The following SLC27A6 variants were observed in gnomAD, a reference collection of about 807,000 sequenced individuals.
SLC27A6 encodes solute carrier family 27 member 6.
Under a neutral mutation model 63.9 loss-of-function variants are expected in SLC27A6, and 74 were observed. That is an observed-to-expected ratio of 1.16 (90% CI 0.96 to 1.40). The LOEUF (loss-of-function observed/expected upper bound fraction) is 1.40. Ranked by LOEUF, SLC27A6 falls within the 40% of genes most tolerant of loss-of-function variation. SLC27A6 has a pLI of 0.00. For missense variants in SLC27A6, 794 were observed against 732.9 expected, an observed-to-expected ratio of 1.08 and a Z score of -0.96; for synonymous variants, 287 against 260.8, an observed-to-expected ratio of 1.10 and a Z score of -0.97.
At chr5:129,029,123 G>T (rs986597514) in intron 8 of SLC27A6, among the ~76,000 whole-genome samples, 3 of 152,012 alleles carry the variant, frequency 2.0e-5, no homozygotes, top group Admixed American at 6.6e-5. Context: ...CAGGTGGCAT[G>T]ATAAGCATTA....
chr5:128,993,679 ATT>A (rs1309492391), intron 4 of SLC27A6, among the ~76,000 whole-genome samples: 1 of 152,084 alleles, frequency 6.6e-6, no homozygotes, highest in Non-Finnish European at 1.5e-5. Context: ...TTTTCTTTAA[ATT>A]TTTTAAAGAA....
intron 4 of SLC27A6, among the ~76,000 whole-genome samples, chr5:129,013,650 T>C (rs1751799842): frequency 6.6e-6 from 1 of 152,150 alleles, no homozygotes; most frequent in South Asian, 2.1e-4. Context: ...ATTTCCCTGC[T>C]ATTTAACCTG....
Position 128,966,349 on chromosome 5 carries a change from C to G in SLC27A6, c.212C>G (p.Pro71Arg). The part of the protein sequence containing the change: ...LSHAKRQPRK[P>R]FIIYEGDIYT... ...CATGCCAAAAGACAACCTCGGAAAC[C>G]TTTCATCATCTATGAGGGAGACATC... Residue 71 changes from proline to arginine, a missense_variant, in exon 1 of 10, where the codon CCT (proline) becomes CGT (arginine). Pro to Arg is a moderately radical substitution (Grantham distance 103, BLOSUM62 -2). Coordinates refer to ENST00000262462, the MANE Select transcript of SLC27A6 (RefSeq NM_001017372.3). 6.2e-7 allele frequency: 1 copy of G among 1,610,960 alleles called. No homozygotes were observed. Among genetic ancestry groups the G allele is most frequent in the South Asian group, 1.1e-5 (1 of 90,748 alleles).
rs186602051 is a variant in SLC27A6, at chr5:128,965,665, T to G, written c.-473T>G. The stretch of plus-strand genomic sequence containing the variant: ...AAGACTACCTGAGAGGAGAAAAGCT[T>G]CTGTCCCTGGACCTTCTTCTGAGGG... On this transcript the variant is annotated 5_prime_UTR_variant, in exon 1 of 10. Transcript: ENST00000262462. 138 of 155,130 alleles carry G rather than the reference T, an allele frequency of 8.9e-4. 2 individuals carry two copies. Among genetic ancestry groups the G allele is most frequent in the Admixed American group, 3.5e-3 (54 of 15,368 alleles). 9.6% of individuals were successfully genotyped at this position (155,130 alleles called of 1,614,324 possible). A position where few individuals can be genotyped will look rare whatever the true frequency, so the allele number is the denominator to read the frequency against.
intron 5 of SLC27A6, among the ~76,000 whole-genome samples, chr5:129,016,683 T>C (rs777209932): frequency 2.0e-5 from 3 of 152,114 alleles, no homozygotes; most frequent in Non-Finnish European, 4.4e-5. Context: ...CTGATATATA[T>C]TGACTCTTTC....
At chr5:129,002,122 G>A (rs1751357047) in intron 4 of SLC27A6, among the ~76,000 whole-genome samples, 1 of 152,168 alleles carries the variant, frequency 6.6e-6, no homozygotes, top group Non-Finnish European at 1.5e-5. Context: ...ACCTTGGGAT[G>A]TCTGTATTAA....
At chr5:128,991,733 C>A (rs1180738064) in intron 4 of SLC27A6, among the ~76,000 whole-genome samples, 2 of 149,294 alleles carry the variant, frequency 1.3e-5, no homozygotes, top group South Asian at 4.2e-4. Flanking sequence ...AAAAAAAAAA[C>A]CCACATTGCT....
Position 128,965,860 on chromosome 5 carries a change from T to A in SLC27A6, c.-278T>A. ...TCCAAGACCCCTGAGGGTGGCTGTG[T>A]TGGTTTCTCGCAGGAGTCGGAGGCT... On this transcript the variant is annotated 5_prime_UTR_variant, in exon 1 of 10. It adds an upstream start codon to the 5' untranslated region. Transcript: ENST00000262462. 1 of 331,924 alleles carries A rather than the reference T, an allele frequency of 3.0e-6. No homozygotes were observed. The highest frequency in any genetic ancestry group is 5.5e-6 in the Non-Finnish European group (1 of 181,054). The allele number at this position is 331,924 out of a possible 1,614,324, so 20.6% of individuals were successfully genotyped here. A position where few individuals can be genotyped will look rare whatever the true frequency, so the allele number is the denominator to read the frequency against.
At chr5:128,968,070 G>A (rs1365968756) in intron 1 of SLC27A6, among the ~76,000 whole-genome samples, 2 of 152,110 alleles carry the variant, frequency 1.3e-5, no homozygotes, top group Non-Finnish European at 2.9e-5. Flanking sequence ...CTTCATCCAT[G>A]TCCCTACAAA....
chr5:128,994,060 C>T (rs549615546), intron 4 of SLC27A6, among the ~76,000 whole-genome samples: 20 of 151,930 alleles, frequency 1.3e-4, no homozygotes, highest in Non-Finnish European at 2.2e-4. Flanking sequence ...CCCAGCTACT[C>T]GGGAGGCTGA....
chr5:128,991,562 T>C (rs997271402), intron 4 of SLC27A6, among the ~76,000 whole-genome samples: 2 of 152,234 alleles, frequency 1.3e-5, no homozygotes, highest in Admixed American at 6.5e-5. Context: ...ATTCATGCTA[T>C]GTTTACAGAA....
chr5:128,966,458 G>A lies in SLC27A6; in HGVS notation c.321G>A (p.Thr107=), dbSNP rs371452698. Residue 107 remains threonine (T), a synonymous_variant, in exon 1 of 10, where the codon ACG becomes ACA. Transcript: ENST00000262462. ...LNHSSLKKGD[T]VALLMSNEPD... ...ATTCCTCTCTGAAAAAGGGGGACAC[G>A]GTGGCTCTGCTGATGAGCAATGAGC... 3 of 1,607,728 alleles carry A rather than the reference G, an allele frequency of 1.9e-6. No homozygotes were observed. The highest frequency in any genetic ancestry group is 1.3e-5 in the African/African-American group (1 of 74,736).
rs1212465932 is a variant in SLC27A6 at position 128,985,291 on chromosome 5, C to T, written c.640C>T (p.Leu214Phe). 6.2e-7 allele frequency: 1 copy of T among 1,614,128 alleles called. No homozygotes were observed. Among genetic ancestry groups the T allele is most frequent in the Non-Finnish European group, 8.5e-7 (1 of 1,180,008 alleles). The part of the protein sequence containing the change: ...PVPRSHHVVS[L>F]LKSTCLYIFT... ...GCCACGCAGCCACCATGTTGTCTCA[C>T]TCCTCAAGTCTACTTGTCTTTACAT... Residue 214 changes from leucine (L) to phenylalanine (F), a missense_variant, in exon 2 of 10, where the codon CTC becomes TTC. Physicochemically the swap from Leu to Phe is conservative, Grantham distance 22. Transcript: ENST00000262462.
intron 4 of SLC27A6, among the ~76,000 whole-genome samples, chr5:129,011,851 G>A (rs1751738738): frequency 6.6e-6 from 1 of 152,076 alleles, no homozygotes; most frequent in African/African-American, 2.4e-5. Flanking sequence ...TTTTCTCCCG[G>A]AAGAGGAGGG....
chr5:128,978,268 G>C lies in SLC27A6; in HGVS notation c.482-6865G>C, dbSNP rs182332893. ...GTATTTTTTCAGTTACATCAAAGTG[G>C]AATTGACAGTCTCAGAAACATTGGA... On this transcript the variant is annotated intron_variant, in intron 1 of 9. Coordinates refer to ENST00000262462, the MANE Select transcript of SLC27A6 (RefSeq NM_001017372.3). 2.0e-5 allele frequency among the ~76,000 whole-genome samples: 3 copies of C among 152,162 alleles called. No homozygotes were observed. The East Asian group carries it at 5.8e-4, about 29-fold the overall frequency.
chr5:128,970,498 T>C lies in SLC27A6; in HGVS notation c.481+3880T>C, dbSNP rs113712328. On this transcript the variant is annotated intron_variant, in intron 1 of 9. Transcript: ENST00000262462. Reference sequence around the variant, plus strand: ...TGGTTTAGTCTTGTGACGGTGTATGTGTCCAGGAATTTATCCATTTTTTCT... The same window carrying C: ...TGGTTTAGTCTTGTGACGGTGTATGCGTCCAGGAATTTATCCATTTTTTCT... Among the ~76,000 whole-genome samples, 331 of 152,328 alleles carry C rather than the reference T, an allele frequency of 2.2e-3. 1 individual carries two copies. Among genetic ancestry groups the C allele is most frequent in the African/African-American group, 7.7e-3 (321 of 41,580 alleles).
At chr5:129,025,937 A>G (rs1752229372) in intron 6 of SLC27A6, among the ~76,000 whole-genome samples, 1 of 152,052 alleles carries the variant, frequency 6.6e-6, no homozygotes, top group Non-Finnish European at 1.5e-5. Flanking sequence ...AGAGTTCTAG[A>G]TCAGCTGGGC....
chr5:129,012,659 T>C (rs1751762768), intron 4 of SLC27A6, among the ~76,000 whole-genome samples: 1 of 152,098 alleles, frequency 6.6e-6, no homozygotes, highest in Non-Finnish European at 1.5e-5. Flanking sequence ...ATCCATACAG[T>C]GAATTGACCC....
At chr5:128,968,470 G>A (rs576816423) in intron 1 of SLC27A6, among the ~76,000 whole-genome samples, 1 of 152,172 alleles carries the variant, frequency 6.6e-6, no homozygotes, top group East Asian at 1.9e-4. Flanking sequence ...GGTGTGAGAT[G>A]GTATCTCATT....
Sources: gnomAD v4.1 joint callset for allele counts (sites outside exome capture counted in the v4.1 genomes callset) on GRCh38, gnomAD v4.1.1 for gene constraint, MANE v1.5 for transcripts, NCBI Gene and HGNC (gene_info 2026-07-23, HGNC 2026-07-21) for gene names.